The following AGBL4 variants were observed in gnomAD, a reference collection of about 807,000 sequenced individuals.
The protein encoded by AGBL4 is AGBL carboxypeptidase 4, also known as cytosolic carboxypeptidase 6.
AGBL4 carries 58 observed loss-of-function variants against 66.4 expected under a neutral mutation model. The observed-to-expected ratio is 0.87, with a 90% CI of 0.71 to 1.09. The LOEUF (loss-of-function observed/expected upper bound fraction) is 1.09. Among genes scored for constraint, AGBL4 ranks in the 50% least tolerant of loss-of-function variants. AGBL4 has a pLI of 0.00. For synonymous variants in AGBL4, 234 were observed against 222.9 expected (o/e 1.05, Z -0.44); for missense variants, 579 against 631.0 (o/e 0.92, Z 0.88).
chr1:48,545,674 G>A (rs1296745805), intron 11 of AGBL4, among the ~76,000 whole-genome samples: 1 of 151,992 alleles, frequency 6.6e-6, no homozygotes, highest in Non-Finnish European at 1.5e-5. Context: ...TCTCAAAAAT[G>A]GCAGGGTATA....
At chr1:49,808,875 T>C (rs1248485761) in intron 2 of AGBL4, among the ~76,000 whole-genome samples, 1 of 152,196 alleles carries the variant, frequency 6.6e-6, no homozygotes, top group East Asian at 1.9e-4. Context: ...ACCTTCACAT[T>C]ATTTCATTGT....
intron 3 of AGBL4, among the ~76,000 whole-genome samples, chr1:49,276,627 C>G (rs990204853): frequency 1.3e-5 from 2 of 152,080 alleles, no homozygotes; most frequent in African/African-American, 4.8e-5. Context: ...AAACACGTAC[C>G]ATCTATTCTC....
intron 2 of AGBL4, among the ~76,000 whole-genome samples, chr1:49,732,430 C>T (rs967115665): frequency 2.0e-4 from 30 of 152,122 alleles, no homozygotes; most frequent in African/African-American, 6.5e-4. Context: ...GTAACTAAAT[C>T]AGATAAAACT....
intron 9 of AGBL4, among the ~76,000 whole-genome samples, chr1:48,606,779 C>T (rs1306367913): frequency 6.6e-6 from 1 of 152,132 alleles, no homozygotes; most frequent in Non-Finnish European, 1.5e-5. Context: ...TCCTTCCTTT[C>T]CCCATCACCT....
intron 1 of AGBL4, among the ~76,000 whole-genome samples, chr1:49,948,440 TATATAAATATATAAATATAG>T (rs1655700552): frequency 1.1e-5 from 1 of 92,314 alleles, no homozygotes; most frequent in African/African-American, 4.0e-5. Context: ...TATATAAATA[TATATAAATATATAAATATAG>T]ATAAATATAT....
At chr1:49,277,669 A>T (rs965990581) in intron 3 of AGBL4, among the ~76,000 whole-genome samples, 1 of 151,550 alleles carries the variant, frequency 6.6e-6, no homozygotes, top group Non-Finnish European at 1.5e-5. Flanking sequence ...CAATCTATTT[A>T]GAAGTGGGAA....
intron 2 of AGBL4, among the ~76,000 whole-genome samples, chr1:49,720,310 A>G (rs777084081): frequency 2.0e-5 from 3 of 152,136 alleles, no homozygotes; most frequent in Non-Finnish European, 4.4e-5. Flanking sequence ...GCTCAACAGT[A>G]AGTATAATGC....
intron 1 of AGBL4, among the ~76,000 whole-genome samples, chr1:49,890,204 G>A (rs1648500325): frequency 6.6e-6 from 1 of 152,120 alleles, no homozygotes; most frequent in Non-Finnish European, 1.5e-5. Flanking sequence ...GGCTTAAACG[G>A]TTAACTTTCC....
intron 4 of AGBL4, among the ~76,000 whole-genome samples, chr1:49,230,454 G>GTTGTTA (rs1283195004): frequency 2.0e-4 from 31 of 152,270 alleles, no homozygotes; most frequent in Middle Eastern, 3.4e-3. Flanking sequence ...AGCCTCCAGA[G>GTTGTTA]ACATTATCAC....
intron 3 of AGBL4, among the ~76,000 whole-genome samples, chr1:49,383,220 T>C (rs1644661018): frequency 6.6e-6 from 1 of 152,158 alleles, no homozygotes; most frequent in Admixed American, 6.6e-5. Flanking sequence ...CAAAGTGACC[T>C]ACAGATTTAT....
chr1:48,814,026 T>C (rs1277094813), intron 6 of AGBL4, among the ~76,000 whole-genome samples: 12 of 152,074 alleles, frequency 7.9e-5, no homozygotes. Flanking sequence ...CCAGGGAGAA[T>C]TGGCTGAGAT....
At chr1:49,755,554 T>C (rs1197400360) in intron 2 of AGBL4, among the ~76,000 whole-genome samples, 1 of 152,188 alleles carries the variant, frequency 6.6e-6, no homozygotes, top group East Asian at 1.9e-4. Context: ...CTCTTAGTTT[T>C]TCTTAAATAA....
At chr1:49,396,483 G>C (rs1644978325) in intron 3 of AGBL4, among the ~76,000 whole-genome samples, 1 of 152,072 alleles carries the variant, frequency 6.6e-6, no homozygotes, top group Admixed American at 6.6e-5. Context: ...AGCTAAAAAA[G>C]ATTCTTCTAA....
intron 6 of AGBL4, among the ~76,000 whole-genome samples, chr1:48,683,884 G>A (rs1646491819): frequency 6.6e-6 from 1 of 152,188 alleles, no homozygotes; most frequent in Non-Finnish European, 1.5e-5. Context: ...AATGAATGAG[G>A]AAGACGGCCT....
intron 3 of AGBL4, among the ~76,000 whole-genome samples, chr1:49,547,047 C>T (rs552193280): frequency 1.3e-5 from 2 of 152,154 alleles, no homozygotes; most frequent in Non-Finnish European, 2.9e-5. Context: ...ATTGCATTTG[C>T]TTCTGGGTGC....
intron 6 of AGBL4, among the ~76,000 whole-genome samples, chr1:48,765,888 A>G (rs1644504429): frequency 6.6e-6 from 1 of 152,234 alleles, no homozygotes; most frequent in Non-Finnish European, 1.5e-5. Flanking sequence ...AAAGTAGTTT[A>G]GTTGTTACCA....
chr1:49,179,505 T>C (rs924745965), intron 4 of AGBL4, among the ~76,000 whole-genome samples: 1 of 151,956 alleles, frequency 6.6e-6, no homozygotes, highest in Non-Finnish European at 1.5e-5. Context: ...ACATAGAAGA[T>C]ACTTGGTGAA....
intron 1 of AGBL4, among the ~76,000 whole-genome samples, chr1:49,885,962 G>A (rs1391027562): frequency 6.6e-6 from 1 of 152,122 alleles, no homozygotes; most frequent in Non-Finnish European, 1.5e-5. Flanking sequence ...ACCAAATTCA[G>A]CAAGTGATGA....
intron 1 of AGBL4, among the ~76,000 whole-genome samples, chr1:50,019,128 T>C (rs973659528): frequency 6.6e-6 from 1 of 152,088 alleles, no homozygotes; most frequent in Admixed American, 6.6e-5. Context: ...ATATGCAGTA[T>C]TGCCTTTCCA....
Sources: gnomAD v4.1 joint callset for allele counts (sites outside exome capture counted in the v4.1 genomes callset) on GRCh38, gnomAD v4.1.1 for gene constraint, MANE v1.5 for transcripts, NCBI Gene and HGNC (gene_info 2026-07-23, HGNC 2026-07-21) for gene names.